Variants in TGM4 observed in about 807,000 individuals in gnomAD.
TGM4 encodes transglutaminase 4, also known as protein-glutamine gamma-glutamyltransferase 4.
Under a neutral mutation model 76.3 loss-of-function variants are expected in TGM4, and 61 were observed. That is an observed-to-expected ratio of 0.80 (90% CI 0.65 to 0.99). The LOEUF (loss-of-function observed/expected upper bound fraction) is 0.99, where lower values mean the gene tolerates loss of function less well. Among genes scored for constraint, TGM4 ranks in the 50% least tolerant of loss-of-function variants. The probability of loss-of-function intolerance (pLI) is 0.00; values close to 1 mark genes in which losing one functional copy is unlikely to be tolerated. For synonymous variants in TGM4, 337 were observed against 329.8 expected (o/e 1.02, Z -0.24); for missense variants, 794 against 843.2 (o/e 0.94, Z 0.72).
intron 9 of TGM4, among the ~76,000 whole-genome samples, chr3:44,905,711 T>G (rs1699912805): frequency 6.6e-6 from 1 of 152,206 alleles, no homozygotes; most frequent in Non-Finnish European, 1.5e-5. Context: ...GGCAAAAAAA[T>G]GCTGTTAAAA....
intron 1 of TGM4, among the ~76,000 whole-genome samples, chr3:44,884,711 G>A (rs942416310): frequency 6.6e-6 from 1 of 152,096 alleles, no homozygotes; most frequent in African/African-American, 2.4e-5. Context: ...CCTCAATTTG[G>A]ATAAAAAGGC....
intron 5 of TGM4, 145 bp downstream of exon 5, chr3:44,893,840 G>C (rs1459724099): frequency 7.8e-6 from 6 of 765,952 alleles, no homozygotes; most frequent in Non-Finnish European, 1.1e-5. Context: ...CTTGGCCATA[G>C]AGGGGTGACC....
chr3:44,874,661 A>G lies in TGM4; in HGVS notation c.-18A>G. 5 of 1,614,196 alleles carry G rather than the reference A, an allele frequency of 3.1e-6. No homozygotes were observed. Among genetic ancestry groups the G allele is most frequent in the Non-Finnish European group, 4.2e-6 (5 of 1,180,038 alleles). On this transcript the variant is annotated 5_prime_UTR_variant, in exon 1 of 14. Coordinates refer to ENST00000296125, the MANE Select transcript of TGM4 (RefSeq NM_003241.4). ...GAGATAGAGTCTTCCCTGGCATTGC[A>G]GGAGAGAATCTGAAGGGATGATGGA...
chr3:44,894,770 G>C (rs996051765), intron 5 of TGM4, among the ~76,000 whole-genome samples: 1 of 152,056 alleles, frequency 6.6e-6, no homozygotes, highest in Non-Finnish European at 1.5e-5. Flanking sequence ...GGACAAGGGA[G>C]GAAGGACTCC....
chr3:44,897,469 C>G (rs1317892980), intron 6 of TGM4, among the ~76,000 whole-genome samples: 1 of 152,204 alleles, frequency 6.6e-6, no homozygotes, highest in Non-Finnish European at 1.5e-5. Flanking sequence ...GGTGAGCAAA[C>G]TGTTGCAGTT....
intron 1 of TGM4, among the ~76,000 whole-genome samples, chr3:44,884,692 G>A (rs114922235): frequency 0.019 from 2,877 of 152,208 alleles, 47 homozygotes; most frequent in Middle Eastern, 0.065. Flanking sequence ...GAGCTCCTTG[G>A]TGCTTCCTCC....
At chr3:44,885,294 T>G in intron 1 of TGM4, 31 bp from the exon 2 acceptor site, 1 of 1,574,102 alleles carries the variant, frequency 6.4e-7, no homozygotes, top group South Asian at 1.1e-5. Flanking sequence ...TTCTCTGTGC[T>G]CTCTTTCCAC....
At chr3:44,883,626 G>C (rs754709160) in intron 1 of TGM4, among the ~76,000 whole-genome samples, 2 of 152,260 alleles carry the variant, frequency 1.3e-5, no homozygotes. Context: ...AGGTAGGTCT[G>C]TCTGCCAGGT....
At chr3:44,893,161 C>T (rs1238352946) in intron 4 of TGM4, among the ~76,000 whole-genome samples, 1 of 152,138 alleles carries the variant, frequency 6.6e-6, no homozygotes, top group African/African-American at 2.4e-5. Context: ...CTTGCTTCAA[C>T]CATTCTTCAC....
intron 3 of TGM4, 93 bp downstream of exon 3, chr3:44,887,888 C>A: frequency 8.8e-7 from 1 of 1,134,564 alleles, no homozygotes; most frequent in Non-Finnish European, 1.3e-6. Context: ...CACCTGTCAG[C>A]TGGTAACATG....
chr3:44,905,246 A>G (rs1393416432), intron 9 of TGM4, among the ~76,000 whole-genome samples: 1 of 151,766 alleles, frequency 6.6e-6, no homozygotes, highest in Non-Finnish European at 1.5e-5. Flanking sequence ...TCGGCCTCCC[A>G]AAGTGCCGGG....
At chr3:44,896,289 T>A (rs1044356896) in intron 5 of TGM4, among the ~76,000 whole-genome samples, 1 of 152,164 alleles carries the variant, frequency 6.6e-6, no homozygotes, top group Non-Finnish European at 1.5e-5. Flanking sequence ...TTTTGTATTT[T>A]TAGTAGAGAC....
chr3:44,882,678 C>T (rs991160486), intron 1 of TGM4, among the ~76,000 whole-genome samples: 1 of 152,186 alleles, frequency 6.6e-6, no homozygotes, highest in Non-Finnish European at 1.5e-5. Context: ...GATTTAGGTC[C>T]TACCTGGATA....
intron 6 of TGM4, among the ~76,000 whole-genome samples, chr3:44,898,663 G>A (rs927434206): frequency 5.3e-5 from 8 of 152,188 alleles, no homozygotes; most frequent in African/African-American, 1.9e-4. Context: ...TGCGACAGAC[G>A]GATCTTAAGT....
chr3:44,895,668 A>C (rs2125754240), intron 5 of TGM4, among the ~76,000 whole-genome samples: 1 of 152,328 alleles, frequency 6.6e-6, no homozygotes, highest in Non-Finnish European at 1.5e-5. Context: ...AAAGAATCTC[A>C]AAGAATTGTA....
intron 9 of TGM4, 35 bp downstream of exon 9, chr3:44,904,022 G>T (rs1699889846): frequency 6.4e-7 from 1 of 1,571,958 alleles, no homozygotes; most frequent in Admixed American, 1.7e-5. Context: ...GGGCATCCAT[G>T]CTGCTCTCCT....
At chr3:44,889,579 G>A (rs377725965) in intron 3 of TGM4, among the ~76,000 whole-genome samples, 5 of 152,304 alleles carry the variant, frequency 3.3e-5, no homozygotes, top group Admixed American at 6.5e-5. Flanking sequence ...ATAATAATAA[G>A]CATCTCATGG....
Position 44,878,378 on chromosome 3 carries a change from T to C in TGM4, c.19+3681T>C, listed in dbSNP as rs138115548. On this transcript the variant is annotated intron_variant, in intron 1 of 13. Coordinates refer to ENST00000296125, the MANE Select transcript of TGM4 (RefSeq NM_003241.4). ...CTAGATACTTTATAGTGATTTTCTC[T>C]GGAGAAAGGATCTGGGAGTCTGGGA... 9.0e-4 allele frequency among the ~76,000 whole-genome samples: 137 copies of C among 151,784 alleles called. 2 individuals are homozygous for C. The East Asian group carries it at 0.025, about 27-fold the overall frequency.
In TGM4 at chr3:44,911,251, C is replaced by T; in HGVS notation, c.1777-19C>T. 1 of 1,614,042 alleles carries T rather than the reference C, an allele frequency of 6.2e-7. No homozygotes were observed. The highest frequency in any genetic ancestry group is 8.5e-7 in the Non-Finnish European group (1 of 1,179,922). Reference sequence around the variant, plus strand: ...ATGCATATCTTCTCTCCCCATCTCTCCTCCCCACCCTACTACAGTTGCCTA... The same window carrying T: ...ATGCATATCTTCTCTCCCCATCTCTTCTCCCCACCCTACTACAGTTGCCTA... On this transcript the variant is annotated intron_variant, in intron 12 of 13. Coordinates refer to ENST00000296125, the MANE Select transcript of TGM4 (RefSeq NM_003241.4).
Sources: gnomAD v4.1 joint callset for allele counts (sites outside exome capture counted in the v4.1 genomes callset) on GRCh38, gnomAD v4.1.1 for gene constraint, MANE v1.5 for transcripts, NCBI Gene and HGNC (gene_info 2026-07-23, HGNC 2026-07-21) for gene names.